The following USP35 variants were observed in gnomAD, a reference collection of about 807,000 sequenced individuals.
USP35 encodes ubiquitin specific peptidase 35.
In USP35, 69 loss-of-function variants were observed where a neutral mutation model predicts 83.8. The ratio of observed to expected loss-of-function variants is 0.82; its 90% confidence interval spans 0.68 to 1.01. The LOEUF (loss-of-function observed/expected upper bound fraction) is 1.01, where lower values mean the gene tolerates loss of function less well. USP35 is among the 50% of genes least tolerant of loss of function. The pLI is 0.00. For synonymous variants in USP35, 714 were observed against 589.5 expected, an observed-to-expected ratio of 1.21 and a Z score of -3.06; for missense variants, 1,503 against 1,362.5, an observed-to-expected ratio of 1.10 and a Z score of -1.62.
At chr11:78,203,055 C>T (rs1863405789) in intron 6 of USP35, among the ~76,000 whole-genome samples, 1 of 152,128 alleles carries the variant, frequency 6.6e-6, no homozygotes, top group East Asian at 1.9e-4. Context: ...GAGTGAGATG[C>T]AGGCTTTGCA....
In USP35 at chr11:78,196,184, C is replaced by A; in HGVS notation, c.-10-52C>A. The A allele has an allele frequency of 6.6e-7, 1 of 1,523,778 alleles. No individual in the cohort carries two copies. Among genetic ancestry groups the A allele is most frequent in the Non-Finnish European group, 8.7e-7 (1 of 1,146,256 alleles). 94.4% of individuals were successfully genotyped at this position (1,523,778 alleles called of 1,614,324 possible). A position where few individuals can be genotyped will look rare whatever the true frequency, so the allele number is the denominator to read the frequency against. ...CAGCACTCGGGGACTGCACCGGGAA[C>A]TCTTGAGCCCCGCGGTTGTCGGGCT... On this transcript the variant is annotated intron_variant, in intron 1 of 10. Transcript: ENST00000529308. The surrounding 1 kb of genome is among the most constrained non-coding windows in gnomAD (Gnocchi z 4.8).
chr11:78,202,143 C>T (rs942306711), intron 6 of USP35, among the ~76,000 whole-genome samples: 4 of 152,112 alleles, frequency 2.6e-5, no homozygotes, highest in Non-Finnish European at 4.4e-5. Context: ...GAGGCAAGTG[C>T]GTGGCTGAGA....
Position 78,210,542 on chromosome 11 carries a change from C to G in USP35, c.2687C>G (p.Thr896Ser), listed in dbSNP as rs1418938659. The G allele has an allele frequency of 6.2e-7, 1 of 1,613,024 alleles. No homozygotes were observed. Among genetic ancestry groups the G allele is most frequent in the Non-Finnish European group, 8.5e-7 (1 of 1,179,134 alleles). ...AACCAGTGGTACCTGTTCAATGACA[C>G]TCGGGTGTCCTTCTCTTCCTTCGAA... ...PENQWYLFND[T>S]RVSFSSFESV... The change falls in exon 10 of 11, where the codon ACT becomes AGT. Residue 896 changes from threonine (T) to serine (S), a missense_variant. Physicochemically the swap from Thr to Ser is moderately conservative, Grantham distance 58. Transcript: ENST00000529308.
chr11:78,210,976 G>T (rs951258148), intron 10 of USP35, among the ~76,000 whole-genome samples: 4 of 152,196 alleles, frequency 2.6e-5, no homozygotes, highest in Non-Finnish European at 5.9e-5. Flanking sequence ...GGGTACATGT[G>T]TAGAATGTGC....
downstream of USP35, among the ~76,000 whole-genome samples, chr11:78,219,709 C>T (rs1024646744): frequency 6.6e-6 from 1 of 152,186 alleles, no homozygotes; most frequent in African/African-American, 2.4e-5. Context: ...GGGTCCAGGC[C>T]TTCATCTCTG....
rs376348892 is a variant in USP35 at position 78,210,609 on chromosome 11, C to T, written c.2754C>T (p.Ala918=). 1.2e-6 allele frequency: 2 copies of T among 1,614,100 alleles called. No individual in the cohort carries two copies. Among genetic ancestry groups the T allele is most frequent in the Non-Finnish European group, 1.7e-6 (2 of 1,180,024 alleles). The part of the protein sequence containing the change: ...NVTSFFPKDT[A]YVLFYRQRPR... Reference sequence around the variant, plus strand: ...CCTCCTTCTTCCCTAAGGACACAGCCTATGTGCTGTTTTACCGGCAGCGGC... The same window carrying T: ...CCTCCTTCTTCCCTAAGGACACAGCTTATGTGCTGTTTTACCGGCAGCGGC... Residue 918 remains alanine (A), a synonymous_variant, in exon 10 of 11, where the codon GCC becomes GCT. Transcript: ENST00000529308.
the USP35 span, chr11:78,220,415 G>A: frequency 6.3e-7 from 1 of 1,590,384 alleles, no homozygotes; most frequent in Non-Finnish European, 8.6e-7. Context: ...TCGTGCCACT[G>A]GGAACGGGAG....
intron 7 of USP35, among the ~76,000 whole-genome samples, chr11:78,206,414 C>T (rs1227795957): frequency 6.6e-6 from 1 of 152,194 alleles, no homozygotes; most frequent in East Asian, 1.9e-4. Context: ...TCTTTATAGT[C>T]TATGGCCACC....
rs569855237 is a variant in USP35, at chr11:78,199,697, C to G, written c.909C>G (p.Ile303Met). The change falls in exon 4 of 11, where the codon ATC becomes ATG. Residue 303 changes from isoleucine to methionine, a missense_variant. Ile to Met is a conservative substitution (Grantham distance 10). Coordinates refer to ENST00000529308, the MANE Select transcript of USP35 (RefSeq NM_020798.4). ...CTGTTAAGAAGTTCAGCATCTTGATCGAGGTTTCGCTCACCAAAATTGAGA... is the reference window on the plus strand; with the variant it reads ...CTGTTAAGAAGTTCAGCATCTTGATGGAGGTTTCGCTCACCAAAATTGAGA... ...LAAVKKFSIL[I>M]EVSLTKIEKV... The G allele has an allele frequency of 1.9e-6, 3 of 1,614,076 alleles. No homozygotes were observed. Among genetic ancestry groups the G allele is most frequent in the African/African-American group, 1.3e-5 (1 of 74,918 alleles).
At chr11:78,202,370 G>T in intron 6 of USP35, among the ~76,000 whole-genome samples, 1 of 152,158 alleles carries the variant, frequency 6.6e-6, no homozygotes, top group East Asian at 1.9e-4. Flanking sequence ...GCTCTGGATT[G>T]GGGAAAAAAA....
chr11:78,209,816 C>T lies in USP35; in HGVS notation c.1961C>T (p.Pro654Leu), dbSNP rs753675342. Residue 654 changes from proline to leucine, a missense_variant, in exon 10 of 11, where the codon CCC becomes CTC. Physicochemically the swap from Pro to Leu is moderately conservative, Grantham distance 98. Transcript: ENST00000529308. ...CACTGCATCACAGAGGACACCCCCC[C>T]CACCAGCCTGTACATCGAAGGCCTG... ...RKHCITEDTP[P>L]TSLYIEGLDS... 6.2e-6 allele frequency: 10 copies of T among 1,613,544 alleles called. No individual in the cohort carries two copies. The highest frequency in any genetic ancestry group is 2.7e-5 in the African/African-American group (2 of 74,894).
At chr11:78,217,263 T>A (rs1317841365), downstream of USP35, 1 of 152,320 alleles carries the variant, frequency 6.6e-6, no homozygotes, top group African/African-American at 2.4e-5. Context: ...TGATTGTGGC[T>A]ATCTTAAGTT....
In USP35 at chr11:78,196,396, G is replaced by GGCGGCGCGGAGGAGCTGCC; in HGVS notation, c.155_173dup (p.Val60GlyfsTer178). 7.1e-7 allele frequency: 1 copy of GGCGGCGCGGAGGAGCTGCC among 1,410,766 alleles called. No individual in the cohort carries two copies. Among genetic ancestry groups the GGCGGCGCGGAGGAGCTGCC allele is most frequent in the East Asian group, 3.0e-5 (1 of 32,934 alleles). The allele number at this position is 1,410,766 out of a possible 1,614,324, so 87.4% of individuals were successfully genotyped here. A position where few individuals can be genotyped will look rare whatever the true frequency, so the allele number is the denominator to read the frequency against. On this transcript the variant is annotated frameshift_variant, in exon 2 of 11. Transcript: ENST00000529308. LOFTEE classifies it high-confidence loss of function. This position sits in a 1 kb window ranked among gnomAD's most constrained non-coding sequence, Gnocchi z 4.8. ...GGCGCTGGGCGCGCGCCTCTACGTG[G>GGCGGCGCGGAGGAGCTGCC]GCGGCGCGGAGGAGCTGCCGCGCCG...
chr11:78,213,733 A>AAGGATGAGGATG lies in USP35; in HGVS notation c.2979_2990dup (p.Asp994_Glu997dup). On this transcript the variant is annotated inframe_insertion, in exon 11 of 11. Transcript: ENST00000529308. ...CTGGGGGAGGGGCTTTGATGAAGAC[A>AAGGATGAGGATG]AGGATGAGGATGAAGGCTCTCCAGG... 1 of 1,538,002 alleles carries AAGGATGAGGATG rather than the reference A, an allele frequency of 6.5e-7. No individual in the cohort carries two copies. Among genetic ancestry groups the AAGGATGAGGATG allele is most frequent in the Non-Finnish European group, 8.7e-7 (1 of 1,152,356 alleles).
chr11:78,214,884 ACTTACTTAC>A lies in USP35; in HGVS notation c.*1078_*1086del, dbSNP rs368942185. On this transcript the variant is annotated 3_prime_UTR_variant, in exon 11 of 11. Transcript: ENST00000529308. ...TGTAAGTAAACGTGTGGACTGACTGACTTACTTACCTTACTGAGGGCTGGGTGATGCTGC... is the reference window on the plus strand; with the variant it reads ...TGTAAGTAAACGTGTGGACTGACTGACTTACTGAGGGCTGGGTGATGCTGC... Among the ~76,000 whole-genome samples, 255 of 83,110 alleles carry A rather than the reference ACTTACTTAC, an allele frequency of 3.1e-3. No individual in the cohort carries two copies. Among genetic ancestry groups the A allele is most frequent in the African/African-American group, 0.017 (244 of 14,020 alleles). 54.5% of individuals were successfully genotyped at this position (83,110 alleles called of 152,430 possible).
At chr11:78,232,794 A>G in the USP35 span, among the ~76,000 whole-genome samples, 2 of 152,136 alleles carry the variant, frequency 1.3e-5, no homozygotes, top group African/African-American at 4.8e-5. Flanking sequence ...CAGTAATCCA[A>G]TCAGACACAG....
chr11:78,217,764 C>G (rs1415705964), downstream of USP35: 1 of 152,162 alleles, frequency 6.6e-6, no homozygotes, highest in African/African-American at 2.4e-5. Flanking sequence ...CAAGATGGCT[C>G]CTGGAATGCT....
At chr11:78,228,089 A>G in the USP35 span, among the ~76,000 whole-genome samples, 1 of 152,346 alleles carries the variant, frequency 6.6e-6, no homozygotes, top group South Asian at 2.1e-4. Flanking sequence ...TGCTACTGAT[A>G]CGTGCTGTGT....
At position 78,192,881 on chromosome 11, in the gene USP35, C is replaced by G. The variant is rs189344942; in HGVS notation, c.-10-3355C>G. On this transcript the variant is annotated intron_variant, in intron 1 of 10. Transcript: ENST00000529308. ...AGGACTCCTCATTCCTAGTCTGATA[C>G]TCTTTCTACTCTTTCTAGTACTCTT... Among the ~76,000 whole-genome samples, 50 of 152,292 alleles carry G rather than the reference C, an allele frequency of 3.3e-4. 1 individual carries two copies. In the East Asian group the frequency reaches 8.9e-3, roughly 27 times the overall value.
Sources: allele counts gnomAD v4.1 joint callset (sites outside exome capture counted in the v4.1 genomes callset), GRCh38; gene constraint gnomAD v4.1.1; non-coding constraint Gnocchi (gnomAD v3.1); transcripts MANE v1.5; gene names NCBI Gene and HGNC (gene_info 2026-07-23, HGNC 2026-07-21).